NKAIN2: variants seen among roughly 807,000 people sequenced by gnomAD.
NKAIN2 encodes the protein sodium/potassium transporting ATPase interacting 2, also known as sodium/potassium-transporting ATPase subunit beta-1-interacting protein 2.
NKAIN2 carries 14 observed loss-of-function variants against 32.6 expected under a neutral mutation model. That is an observed-to-expected ratio of 0.43 (90% CI 0.28 to 0.67). NKAIN2 has a LOEUF of 0.67. Among genes scored for constraint, NKAIN2 ranks in the 30% least tolerant of loss-of-function variants. The pLI, the probability that NKAIN2 is intolerant of heterozygous loss-of-function variation, is 0.17. For synonymous variants in NKAIN2, 80 were observed against 87.2 expected, an observed-to-expected ratio of 0.92 and a Z score of 0.46; for missense variants, 198 against 258.3, an observed-to-expected ratio of 0.77 and a Z score of 1.60.
At chr6:124,650,456 T>C (rs1488149685) in intron 3 of NKAIN2, among the ~76,000 whole-genome samples, 1 of 152,216 alleles carries the variant, frequency 6.6e-6, no homozygotes, top group East Asian at 1.9e-4. Context: ...TTTGTGCTGC[T>C]GTAACAAAAT....
chr6:123,978,202 T>C (rs1047217356), intron 1 of NKAIN2, among the ~76,000 whole-genome samples: 2 of 152,182 alleles, frequency 1.3e-5, no homozygotes, highest in African/African-American at 4.8e-5. Flanking sequence ...GCAGTTGGAC[T>C]CTGTTAGTTT....
intron 3 of NKAIN2, among the ~76,000 whole-genome samples, chr6:124,414,854 A>G (rs562873351): frequency 6.6e-6 from 1 of 152,056 alleles, no homozygotes; most frequent in Non-Finnish European, 1.5e-5. Context: ...CTTATTTCTG[A>G]TATTGTTAAC....
intron 1 of NKAIN2, among the ~76,000 whole-genome samples, chr6:123,994,188 A>G (rs1438325145): frequency 1.4e-5 from 2 of 146,536 alleles, no homozygotes; most frequent in Non-Finnish European, 3.0e-5. Context: ...AGAGAGAAAC[A>G]AAGAAACTAG....
At chr6:124,789,574 A>T (rs1779652183) in intron 4 of NKAIN2, among the ~76,000 whole-genome samples, 1 of 152,014 alleles carries the variant, frequency 6.6e-6, no homozygotes, top group African/African-American at 2.4e-5. Context: ...ATGATGTGTT[A>T]GTATAATCTC....
Position 124,102,531 on chromosome 6 carries a change from A to G in NKAIN2, c.55-180474A>G, listed in dbSNP as rs1297546133. Among the ~76,000 whole-genome samples, 5 of 152,156 alleles carry G rather than the reference A, an allele frequency of 3.3e-5. No individual in the cohort carries two copies. In the East Asian group the frequency reaches 7.7e-4, roughly 23 times the overall value. On this transcript the variant is annotated intron_variant, in intron 1 of 6. Coordinates refer to ENST00000368417, the MANE Select transcript of NKAIN2 (RefSeq NM_001040214.3). The stretch of plus-strand genomic sequence containing the variant: ...TGCCCCAAGAGAGAAGGTTGCGATA[A>G]CAGTACAAGGCATTTTCTTATGTTT...
At chr6:124,481,029 C>T (rs572199466) in intron 3 of NKAIN2, among the ~76,000 whole-genome samples, 3 of 152,198 alleles carry the variant, frequency 2.0e-5, no homozygotes, top group Non-Finnish European at 2.9e-5. Context: ...AAAGCACAGC[C>T]TCAGATTCCT....
intron 1 of NKAIN2, among the ~76,000 whole-genome samples, chr6:123,818,148 G>T (rs1341888829): frequency 6.6e-6 from 1 of 152,052 alleles, no homozygotes; most frequent in Non-Finnish European, 1.5e-5. Flanking sequence ...GTCTTAAAAA[G>T]ATTTAAGATA....
chr6:124,168,572 G>A (rs774522872), intron 1 of NKAIN2, among the ~76,000 whole-genome samples: 27 of 151,764 alleles, frequency 1.8e-4, no homozygotes, highest in Non-Finnish European at 3.7e-4. Context: ...GTGTGTGTGT[G>A]GTCTACACAC....
chr6:124,595,950 G>C (rs1324837757), intron 3 of NKAIN2, among the ~76,000 whole-genome samples: 2 of 152,118 alleles, frequency 1.3e-5, no homozygotes, highest in African/African-American at 2.4e-5. Context: ...GTAGGGGATG[G>C]GAGTCTGCAG....
intron 3 of NKAIN2, among the ~76,000 whole-genome samples, chr6:124,588,212 T>A (rs1248016812): frequency 2.6e-5 from 4 of 152,182 alleles, no homozygotes; most frequent in African/African-American, 9.6e-5. Flanking sequence ...TATAATCAGT[T>A]AAATATTACT....
In NKAIN2 at chr6:124,507,163, CTT is replaced by C. The variant is rs1369096314; in HGVS notation, c.274-151020_274-151019del. Reference sequence around the variant, plus strand: ...TTTCACTTTGGGAAGGTTTTACTGACTTTTATTTGTACCAGCAAAGTACGCGA... The same window carrying C: ...TTTCACTTTGGGAAGGTTTTACTGACTTATTTGTACCAGCAAAGTACGCGA... On this transcript the variant is annotated intron_variant, in intron 3 of 6. Coordinates refer to ENST00000368417, the MANE Select transcript of NKAIN2 (RefSeq NM_001040214.3). Among the ~76,000 whole-genome samples the C allele has an allele frequency of 3.9e-5, 6 of 152,282 alleles. No individual in the cohort carries two copies. In the East Asian group the frequency reaches 9.7e-4, roughly 25 times the overall value.
chr6:124,748,946 T>G (rs1456080701), intron 4 of NKAIN2, among the ~76,000 whole-genome samples: 1 of 151,852 alleles, frequency 6.6e-6, no homozygotes, highest in African/African-American at 2.4e-5. Context: ...CAAAAATTTA[T>G]TGTCTCACGA....
intron 1 of NKAIN2, among the ~76,000 whole-genome samples, chr6:124,266,789 A>C (rs188425924): frequency 6.6e-6 from 1 of 152,328 alleles, no homozygotes; most frequent in East Asian, 1.9e-4. Flanking sequence ...ATTCAGATAA[A>C]GATATGGATG....
At chr6:123,977,624 T>C (rs1778701042) in intron 1 of NKAIN2, among the ~76,000 whole-genome samples, 1 of 152,174 alleles carries the variant, frequency 6.6e-6, no homozygotes, top group African/African-American at 2.4e-5. Flanking sequence ...TTGTGTCTTA[T>C]CCGGAGCCCT....
intron 3 of NKAIN2, among the ~76,000 whole-genome samples, chr6:124,441,978 C>G (rs1161017789): frequency 6.6e-6 from 1 of 152,004 alleles, no homozygotes; most frequent in African/African-American, 2.4e-5. Context: ...CATTTACATA[C>G]ACATAAGACT....
At chr6:124,614,610 C>T (rs1298312421) in intron 3 of NKAIN2, among the ~76,000 whole-genome samples, 2 of 152,160 alleles carry the variant, frequency 1.3e-5, no homozygotes, top group Admixed American at 1.3e-4. Context: ...TGAAACACAG[C>T]TCTTCCCCAA....
Position 124,172,732 on chromosome 6 carries a change from G to A in NKAIN2, c.55-110273G>A, listed in dbSNP as rs534154268. Among the ~76,000 whole-genome samples the A allele has an allele frequency of 5.9e-5, 9 of 152,130 alleles. No individual in the cohort carries two copies. In the South Asian group the frequency reaches 1.5e-3, roughly 25 times the overall value. ...TTAAATTCACCTTAAATTCAGTCCA[G>A]GTTTTTACTTTGAGATATTTCATAT... On this transcript the variant is annotated intron_variant, in intron 1 of 6. Coordinates refer to ENST00000368417, the MANE Select transcript of NKAIN2 (RefSeq NM_001040214.3).
At chr6:124,758,328 T>C (rs2114727354) in intron 4 of NKAIN2, among the ~76,000 whole-genome samples, 1 of 152,182 alleles carries the variant, frequency 6.6e-6, no homozygotes, top group Non-Finnish European at 1.5e-5. Flanking sequence ...TGGAGGTGAT[T>C]AAAACCCTCA....
rs9388337 is a variant in NKAIN2 at position 124,471,801 on chromosome 6, C to T, written c.273+116454C>T. Among the ~76,000 whole-genome samples the T allele has an allele frequency of 5.9e-5, 9 of 152,054 alleles. No homozygotes were observed. The East Asian group carries it at 1.7e-3, about 29-fold the overall frequency. ...ATGTTTTCTATCATATTTGTTTTTA[C>T]GTATTATTTTTTATGCCATTAATTG... On this transcript the variant is annotated intron_variant, in intron 3 of 6. Coordinates refer to ENST00000368417, the MANE Select transcript of NKAIN2 (RefSeq NM_001040214.3).
Sources: gnomAD v4.1 joint callset for allele counts (sites outside exome capture counted in the v4.1 genomes callset) on GRCh38, gnomAD v4.1.1 for gene constraint, MANE v1.5 for transcripts, NCBI Gene and HGNC (gene_info 2026-07-23, HGNC 2026-07-21) for gene names.